Variants in RABGAP1L observed in about 807,000 individuals in gnomAD.
RABGAP1L encodes rab GTPase-activating protein 1-like.
A neutral mutation model predicts 137.7 loss-of-function variants in RABGAP1L; 63 were observed. The ratio of observed to expected loss-of-function variants is 0.46; its 90% CI spans 0.37 to 0.56. The LOEUF is 0.56. Among genes scored for constraint, RABGAP1L ranks in the 20% least tolerant of loss-of-function variants. The probability of loss-of-function intolerance (pLI) is 0.00; values close to 1 mark genes in which losing one functional copy is unlikely to be tolerated. For synonymous variants in RABGAP1L, 431 were observed against 433.7 expected, an observed-to-expected ratio of 0.99 and a Z score of 0.08; for missense variants, 1,095 against 1,244.0, an observed-to-expected ratio of 0.88 and a Z score of 1.80.
chr1:174,414,331 G>A (rs1291480395), intron 13 of RABGAP1L, among the ~76,000 whole-genome samples: 1 of 152,092 alleles, frequency 6.6e-6, no homozygotes, highest in Non-Finnish European at 1.5e-5. Flanking sequence ...TCTGAAAAGT[G>A]ATATTCATTA....
chr1:174,783,356 G>A (rs1439690016), intron 18 of RABGAP1L, among the ~76,000 whole-genome samples: 1 of 152,068 alleles, frequency 6.6e-6, no homozygotes, highest in Non-Finnish European at 1.5e-5. Context: ...GTGAGGCCAA[G>A]AACCCCAGGC....
chr1:174,620,256 A>C (rs535204963), intron 13 of RABGAP1L, among the ~76,000 whole-genome samples: 2 of 152,326 alleles, frequency 1.3e-5, no homozygotes, highest in African/African-American at 2.4e-5. Flanking sequence ...ATATCCAGGA[A>C]TTGAACTCAG....
intron 13 of RABGAP1L, among the ~76,000 whole-genome samples, chr1:174,457,471 C>G (rs1339177616): frequency 2.1e-5 from 3 of 145,138 alleles, no homozygotes; most frequent in African/African-American, 7.8e-5. Context: ...CCAACTCAGG[C>G]ATCATCTTTT....
chr1:174,785,184 C>A (rs1246739156), intron 18 of RABGAP1L, among the ~76,000 whole-genome samples: 1 of 152,200 alleles, frequency 6.6e-6, no homozygotes. Flanking sequence ...CCTGCCTCAG[C>A]CTCCTGAGTA....
rs1032763036 is a variant in RABGAP1L, at chr1:174,990,631, G to A, written c.*630G>A. The A allele has an allele frequency of 2.6e-5, 4 of 152,176 alleles. No individual in the cohort carries two copies. Among genetic ancestry groups the A allele is most frequent in the African/African-American group, 4.8e-5 (2 of 41,428 alleles). The allele number at this position is 152,176 out of a possible 1,614,324, so 9.4% of individuals were successfully genotyped here. A position where few individuals can be genotyped will look rare whatever the true frequency, so the allele number is the denominator to read the frequency against. On this transcript the variant is annotated 3_prime_UTR_variant, in exon 26 of 26. Coordinates refer to ENST00000681986, the MANE Select transcript of RABGAP1L (RefSeq NM_001366446.1). ...AATAGACGGGCTGTTCAGATTATAC[G>A]CTAGGTAAAAGGAACTGAAATTTTA...
At chr1:174,661,613 A>G (rs1292664605) in intron 14 of RABGAP1L, among the ~76,000 whole-genome samples, 3 of 152,214 alleles carry the variant, frequency 2.0e-5, no homozygotes, top group African/African-American at 7.2e-5. Context: ...TTATTAATTA[A>G]AAATATTTTG....
chr1:174,613,863 G>C (rs1671515775), intron 13 of RABGAP1L, among the ~76,000 whole-genome samples: 1 of 152,058 alleles, frequency 6.6e-6, no homozygotes. Flanking sequence ...TGTTTTATCA[G>C]AGACTAGGAT....
At chr1:174,628,167 A>G (rs1673060389) in intron 13 of RABGAP1L, among the ~76,000 whole-genome samples, 1 of 152,170 alleles carries the variant, frequency 6.6e-6, no homozygotes, top group Non-Finnish European at 1.5e-5. Context: ...TTATCTGAAT[A>G]GTTGTTCACT....
At chr1:174,366,290 C>G (rs541828302) in intron 11 of RABGAP1L, among the ~76,000 whole-genome samples, 1 of 152,286 alleles carries the variant, frequency 6.6e-6, no homozygotes, top group African/African-American at 2.4e-5. Flanking sequence ...TTTTTCATCT[C>G]AGTTATCTGT....
At chr1:174,870,845 C>G (rs559149164) in intron 19 of RABGAP1L, among the ~76,000 whole-genome samples, 3 of 151,250 alleles carry the variant, frequency 2.0e-5, no homozygotes, top group Non-Finnish European at 4.4e-5. Context: ...TCACGCCATT[C>G]TCCTGCCTCA....
intron 3 of RABGAP1L, among the ~76,000 whole-genome samples, chr1:174,228,092 T>C (rs543853421): frequency 4.6e-4 from 70 of 152,214 alleles, no homozygotes; most frequent in African/African-American, 1.5e-3. Flanking sequence ...GGTTCTTTTT[T>C]ATGTCTTTCA....
chr1:174,874,586 T>G (rs7556175), intron 19 of RABGAP1L: 3 of 712,234 alleles, frequency 4.2e-6, no homozygotes, highest in African/African-American at 2.1e-5. Flanking sequence ...GCCTTTTTTT[T>G]TTTTTTTTTT....
intron 6 of RABGAP1L, among the ~76,000 whole-genome samples, chr1:174,251,957 T>C (rs1475093898): frequency 6.6e-6 from 1 of 151,576 alleles, no homozygotes; most frequent in Non-Finnish European, 1.5e-5. Flanking sequence ...ATTGCAGCAG[T>C]GCAATCTTGG....
At chr1:174,634,957 G>A (rs1289312249) in intron 13 of RABGAP1L, among the ~76,000 whole-genome samples, 7 of 147,010 alleles carry the variant, frequency 4.8e-5, no homozygotes, top group Admixed American at 6.7e-5. Context: ...TGGGTGCAGC[G>A]CACCAGCATG....
chr1:174,418,889 T>C (rs1650923123), intron 13 of RABGAP1L, among the ~76,000 whole-genome samples: 2 of 151,916 alleles, frequency 1.3e-5, no homozygotes, highest in South Asian at 4.2e-4. Context: ...AATGCAAAAA[T>C]TAGCCAGGTG....
At chr1:174,629,066 G>T (rs1026453876) in intron 13 of RABGAP1L, among the ~76,000 whole-genome samples, 2 of 152,068 alleles carry the variant, frequency 1.3e-5, no homozygotes, top group African/African-American at 4.8e-5. Flanking sequence ...TAAAAAGAAA[G>T]GAATTAATAT....
rs113389763 is a variant in RABGAP1L, at chr1:174,850,210, G to T, written c.2340+38250G>T. On this transcript the variant is annotated intron_variant, in intron 19 of 25. Transcript: ENST00000681986. ...GCCCTCAGGTTTACGCCACACGTGG[G>T]AACACCAGTGCAGGAAACCTCCGGG... 226 of 340,844 alleles carry T rather than the reference G, an allele frequency of 6.6e-4. 1 individual carries two copies. Among genetic ancestry groups the T allele is most frequent in the African/African-American group, 4.5e-3 (209 of 46,862 alleles). The allele number at this position is 340,844 out of a possible 1,614,324, so 21.1% of individuals were successfully genotyped here. A position where few individuals can be genotyped will look rare whatever the true frequency, so the allele number is the denominator to read the frequency against.
At chr1:174,792,471 C>G (rs1482400740) in intron 18 of RABGAP1L, among the ~76,000 whole-genome samples, 1 of 152,108 alleles carries the variant, frequency 6.6e-6, no homozygotes, top group African/African-American at 2.4e-5. Context: ...AAGAAGTAGA[C>G]TTAGTCTGTG....
At chr1:174,366,398 T>TG (rs1287473085) in intron 11 of RABGAP1L, among the ~76,000 whole-genome samples, 3 of 152,208 alleles carry the variant, frequency 2.0e-5, no homozygotes, top group Non-Finnish European at 1.5e-5. Flanking sequence ...GGGACAACTT[T>TG]GTAAATATGC....
Sources: gnomAD v4.1 joint callset for allele counts (sites outside exome capture counted in the v4.1 genomes callset) on GRCh38, gnomAD v4.1.1 for gene constraint, MANE v1.5 for transcripts, NCBI Gene and HGNC (gene_info 2026-07-23, HGNC 2026-07-21) for gene names.